SH3RF2: variants seen among roughly 807,000 people sequenced by gnomAD.
SH3RF2 encodes the protein E3 ubiquitin-protein ligase SH3RF2.
In SH3RF2, 43 loss-of-function variants were observed where a neutral mutation model predicts 59.0. That is an observed-to-expected ratio of 0.73 (90% CI 0.57 to 0.94). The LOEUF (loss-of-function observed/expected upper bound fraction) is 0.94, where lower values mean the gene tolerates loss of function less well. SH3RF2 is among the 40% of genes least tolerant of loss of function. The pLI, the probability that SH3RF2 is intolerant of heterozygous loss-of-function variation, is 0.00. For missense variants in SH3RF2, 930 were observed against 940.1 expected (o/e 0.99, Z 0.14); for synonymous variants, 391 against 391.5 (o/e 1.00, Z 0.01).
Position 145,938,159 on chromosome 5 carries a change from C to T in SH3RF2, c.231C>T (p.Arg77=), listed in dbSNP as rs1201398709. The part of the protein sequence containing the change: ...LLLVRLLDGV[R]SGQSSGRGGS... The stretch of plus-strand genomic sequence containing the variant: ...TCGTGCGCCTTCTGGATGGAGTGCG[C>T]TCAGGGCAGAGCTCCGGGAGAGGGG... Residue 77 remains arginine, a synonymous_variant, in exon 2 of 10, where the codon CGC becomes CGT. Coordinates refer to ENST00000359120, the MANE Select transcript of SH3RF2 (RefSeq NM_152550.4). 1 of 1,614,186 alleles carries T rather than the reference C, an allele frequency of 6.2e-7. No homozygotes were observed. Among genetic ancestry groups the T allele is most frequent in the South Asian group, 1.1e-5 (1 of 91,084 alleles).
intron 5 of SH3RF2, among the ~76,000 whole-genome samples, chr5:146,029,620 C>A (rs1242299851): frequency 6.6e-6 from 1 of 152,144 alleles, no homozygotes; most frequent in East Asian, 1.9e-4. Flanking sequence ...GCTTTCTCTG[C>A]ACATAAGCTG....
downstream of SH3RF2, among the ~76,000 whole-genome samples, chr5:146,065,925 G>A (rs1295022801): frequency 2.0e-5 from 3 of 152,156 alleles, no homozygotes; most frequent in African/African-American, 7.2e-5. Context: ...CCAAGTGCTG[G>A]GATTACAGGC....
At chr5:146,059,561 C>CGTGT (rs144618502) in intron 8 of SH3RF2, among the ~76,000 whole-genome samples, 1 of 150,698 alleles carries the variant, frequency 6.6e-6, no homozygotes, top group South Asian at 2.1e-4. Flanking sequence ...TGTGTGTGTG[C>CGTGT]GTGTGTGTGT....
intron 7 of SH3RF2, among the ~76,000 whole-genome samples, chr5:146,054,124 A>G (rs1296814093): frequency 1.3e-5 from 2 of 152,178 alleles, no homozygotes; most frequent in African/African-American, 2.4e-5. Context: ...GGGTTAATAT[A>G]TGATAGCAAA....
intron 5 of SH3RF2, among the ~76,000 whole-genome samples, chr5:146,030,742 A>G (rs1761712570): frequency 7.5e-6 from 1 of 132,748 alleles, no homozygotes; most frequent in Admixed American, 8.3e-5. Context: ...TACAGATGTG[A>G]TTTTGAATTT....
chr5:146,069,009 C>T, intron 9 of SH3RF2, among the ~76,000 whole-genome samples: 1 of 152,194 alleles, frequency 6.6e-6, no homozygotes, highest in Non-Finnish European at 1.5e-5. Context: ...ACCTCCCTCA[C>T]AACCACTATC....
Position 146,033,451 on chromosome 5 carries a change from C to CTTTTTTT in SH3RF2, c.1060-14291_1060-14285dup, listed in dbSNP as rs558717056. ...AAAATCTATGAGCACTAGCCCTTAG[C>CTTTTTTT]TTTTTTTTTTTTTTTTTTTTTTTTT... On this transcript the variant is annotated intron_variant, in intron 5 of 9. Coordinates refer to ENST00000359120, the MANE Select transcript of SH3RF2 (RefSeq NM_152550.4). Among the ~76,000 whole-genome samples the CTTTTTTT allele has an allele frequency of 1.9e-4, 14 of 71,848 alleles. 1 individual carries two copies. Among genetic ancestry groups the CTTTTTTT allele is most frequent in the South Asian group, 5.6e-4 (1 of 1,786 alleles). 47.1% of individuals were successfully genotyped at this position (71,848 alleles called of 152,430 possible).
At position 146,052,057 on chromosome 5, in the gene SH3RF2, G is replaced by A. The variant is rs57127770; in HGVS notation, c.1322+2812G>A. 2.7e-3 allele frequency among the ~76,000 whole-genome samples: 408 copies of A among 152,168 alleles called. 2 individuals carry two copies. The highest frequency in any genetic ancestry group is 9.5e-3 in the African/African-American group (396 of 41,502). On this transcript the variant is annotated intron_variant, in intron 7 of 9. Coordinates refer to ENST00000359120, the MANE Select transcript of SH3RF2 (RefSeq NM_152550.4). ...AGGATGCCTACCCTAATTCATGAAC[G>A]GTTTCTTCCATGGCTTTAAAATGAA...
intron 4 of SH3RF2, among the ~76,000 whole-genome samples, chr5:146,012,463 G>A (rs999796926): frequency 6.6e-6 from 1 of 152,110 alleles, no homozygotes; most frequent in Non-Finnish European, 1.5e-5. Context: ...TGTACCTCTG[G>A]TAGAATTCGG....
intron 5 of SH3RF2, among the ~76,000 whole-genome samples, chr5:146,032,143 T>C (rs1761765918): frequency 2.0e-5 from 3 of 152,202 alleles, no homozygotes; most frequent in Non-Finnish European, 4.4e-5. Flanking sequence ...GAGTATCTTG[T>C]TTTACCTGCC....
intron 5 of SH3RF2, among the ~76,000 whole-genome samples, chr5:146,030,538 T>C (rs1295381378): frequency 6.6e-6 from 1 of 152,206 alleles, no homozygotes; most frequent in African/African-American, 2.4e-5. Flanking sequence ...CCCTCATCTG[T>C]CTACGTCTGT....
intron 5 of SH3RF2, among the ~76,000 whole-genome samples, chr5:146,016,537 T>C (rs1465354293): frequency 6.6e-6 from 1 of 152,210 alleles, no homozygotes; most frequent in African/African-American, 2.4e-5. Flanking sequence ...AGAACCTTTG[T>C]AGGGGAGGTA....
chr5:146,062,779 GC>G lies in SH3RF2; in HGVS notation c.*80del. Reference sequence around the variant, plus strand: ...AGTCTGCCTCCACTGAGGGCATCCTGCCATTCTTTGGGGACTTGAGCATGGG... The same window carrying G: ...AGTCTGCCTCCACTGAGGGCATCCTGCATTCTTTGGGGACTTGAGCATGGG... On this transcript the variant is annotated 3_prime_UTR_variant, in exon 10 of 10. Coordinates refer to ENST00000359120, the MANE Select transcript of SH3RF2 (RefSeq NM_152550.4). 1 of 1,527,112 alleles carries G rather than the reference GC, an allele frequency of 6.5e-7. No individual in the cohort carries two copies. Among genetic ancestry groups the G allele is most frequent in the South Asian group, 1.3e-5 (1 of 77,372 alleles). The allele number at this position is 1,527,112 out of a possible 1,614,324, so 94.6% of individuals were successfully genotyped here. A position where few individuals can be genotyped will look rare whatever the true frequency, so the allele number is the denominator to read the frequency against.
chr5:146,060,672 A>G (rs184967759), intron 9 of SH3RF2, among the ~76,000 whole-genome samples: 1 of 152,200 alleles, frequency 6.6e-6, no homozygotes, highest in Non-Finnish European at 1.5e-5. Flanking sequence ...ATTAAACGAG[A>G]TATGTGAAGT....
At chr5:146,049,452 T>C (rs537430318) in intron 7 of SH3RF2, among the ~76,000 whole-genome samples, 1 of 152,368 alleles carries the variant, frequency 6.6e-6, no homozygotes, top group East Asian at 1.9e-4. Context: ...ACAAGCACTT[T>C]TGTATCTCTT....
At chr5:146,046,314 G>C (rs1459605017) in intron 5 of SH3RF2, among the ~76,000 whole-genome samples, 1 of 152,112 alleles carries the variant, frequency 6.6e-6, no homozygotes, top group Non-Finnish European at 1.5e-5. Flanking sequence ...CATGGGCCTT[G>C]AGCAAACATA....
intron 2 of SH3RF2, among the ~76,000 whole-genome samples, chr5:145,964,735 T>G (rs1357022534): frequency 2.0e-5 from 3 of 152,210 alleles, no homozygotes; most frequent in African/African-American, 7.2e-5. Flanking sequence ...GTGTCCATTT[T>G]GACTGTGGAT....
chr5:146,061,447 T>C (rs1300691601), intron 9 of SH3RF2, among the ~76,000 whole-genome samples: 1 of 152,198 alleles, frequency 6.6e-6, no homozygotes, highest in African/African-American at 2.4e-5. Flanking sequence ...TGCCCATTAC[T>C]CCAAGCTTTT....
intron 2 of SH3RF2, among the ~76,000 whole-genome samples, chr5:145,975,177 T>C (rs1388519633): frequency 6.6e-6 from 1 of 152,214 alleles, no homozygotes; most frequent in African/African-American, 2.4e-5. Flanking sequence ...TTTTCATGGC[T>C]CGTTTGCAAT....
Sources: gnomAD v4.1 joint callset for allele counts (sites outside exome capture counted in the v4.1 genomes callset) on GRCh38, gnomAD v4.1.1 for gene constraint, MANE v1.5 for transcripts, NCBI Gene and HGNC (gene_info 2026-07-23, HGNC 2026-07-21) for gene names.